KIAA1549L: variants seen among roughly 807,000 people sequenced by gnomAD.
The protein encoded by KIAA1549L is UPF0606 protein KIAA1549L.
A neutral mutation model predicts 160.7 loss-of-function variants in KIAA1549L; 88 were observed. That is an observed-to-expected ratio of 0.55 (90% CI 0.46 to 0.65). The LOEUF is 0.65. KIAA1549L is among the 30% of genes least tolerant of loss of function. The pLI, the probability that KIAA1549L is intolerant of heterozygous loss-of-function variation, is 0.00. For missense variants in KIAA1549L, 2,258 were observed against 2,437.5 expected (o/e 0.93, Z 1.55); for synonymous variants, 950 against 976.7 (o/e 0.97, Z 0.51).
At chr11:33,533,928 T>C (rs1242159123) in intron 1 of KIAA1549L, among the ~76,000 whole-genome samples, 1 of 152,198 alleles carries the variant, frequency 6.6e-6, no homozygotes, top group Non-Finnish European at 1.5e-5. Context: ...AGACGACTAA[T>C]TCCCCCTTGT....
intron 1 of KIAA1549L, among the ~76,000 whole-genome samples, chr11:33,478,305 C>T (rs111489116): frequency 6.7e-4 from 102 of 152,340 alleles, no homozygotes; most frequent in African/African-American, 2.4e-3. Flanking sequence ...GACAAGCATG[C>T]CTGGCTTTGC....
intron 1 of KIAA1549L, among the ~76,000 whole-genome samples, chr11:33,465,147 C>T (rs146072126): frequency 1.5e-4 from 23 of 151,058 alleles, no homozygotes; most frequent in African/African-American, 5.4e-4. Context: ...CCTCCGCCTC[C>T]CAGGCTCAAG....
chr11:33,414,534 A>G (rs1365075792), intron 1 of KIAA1549L, among the ~76,000 whole-genome samples: 1 of 152,204 alleles, frequency 6.6e-6, no homozygotes, highest in East Asian at 1.9e-4. Flanking sequence ...GAGGTACTGG[A>G]TCAAACGGAG....
chr11:33,395,876 A>G (rs773515368), intron 1 of KIAA1549L, among the ~76,000 whole-genome samples: 4 of 152,130 alleles, frequency 2.6e-5, no homozygotes, highest in Non-Finnish European at 5.9e-5. Context: ...CGTACTCAGC[A>G]CAGAGGGCAG....
intron 15 of KIAA1549L, among the ~76,000 whole-genome samples, chr11:33,611,006 C>G (rs1484293900): frequency 1.3e-5 from 2 of 152,320 alleles, no homozygotes; most frequent in East Asian, 3.9e-4. Context: ...CCTGACACCA[C>G]CATGACAGGA....
At chr11:33,642,232 C>T (rs1590430705) in intron 16 of KIAA1549L, among the ~76,000 whole-genome samples, 1 of 152,170 alleles carries the variant, frequency 6.6e-6, no homozygotes, top group East Asian at 1.9e-4. Flanking sequence ...CCTGCAACTT[C>T]TTATTGTCAT....
intron 1 of KIAA1549L, among the ~76,000 whole-genome samples, chr11:33,413,491 A>G (rs999888562): frequency 6.6e-6 from 1 of 151,486 alleles, no homozygotes; most frequent in African/African-American, 2.4e-5. Flanking sequence ...TGAGTGGCCT[A>G]TGAAGCATGG....
intron 16 of KIAA1549L, among the ~76,000 whole-genome samples, chr11:33,640,960 T>C (rs1423940129): frequency 2.6e-5 from 4 of 152,226 alleles, no homozygotes; most frequent in African/African-American, 7.2e-5. Context: ...CCAAGCCAAC[T>C]GTCAGCCAAC....
At chr11:33,537,296 C>T (rs1228049903) in intron 1 of KIAA1549L, among the ~76,000 whole-genome samples, 1 of 152,140 alleles carries the variant, frequency 6.6e-6, no homozygotes, top group Non-Finnish European at 1.5e-5. Context: ...TCATCTGTAA[C>T]ATCATTTTTC....
intron 1 of KIAA1549L, among the ~76,000 whole-genome samples, chr11:33,514,120 T>C (rs1482569817): frequency 6.6e-6 from 1 of 152,220 alleles, no homozygotes; most frequent in East Asian, 1.9e-4. Context: ...TTCCTTCCTG[T>C]TCCAGATATC....
intron 16 of KIAA1549L, among the ~76,000 whole-genome samples, chr11:33,620,734 C>T (rs780647049): frequency 5.9e-5 from 9 of 152,038 alleles, no homozygotes; most frequent in East Asian, 1.9e-4. Flanking sequence ...TCTATCCTTA[C>T]GTAATATAAT....
At chr11:33,588,009 C>A (rs2133279564) in intron 11 of KIAA1549L, among the ~76,000 whole-genome samples, 1 of 152,304 alleles carries the variant, frequency 6.6e-6, no homozygotes, top group South Asian at 2.1e-4. Flanking sequence ...TCACATAGTC[C>A]TAGGTTCAAA....
chr11:33,585,613 C>G (rs1291168039), intron 11 of KIAA1549L, among the ~76,000 whole-genome samples: 1 of 152,136 alleles, frequency 6.6e-6, no homozygotes, highest in Non-Finnish European at 1.5e-5. Context: ...TGGTAATAAC[C>G]AGAATCTAAC....
chr11:33,633,487 G>C (rs1238558298), intron 16 of KIAA1549L, among the ~76,000 whole-genome samples: 1 of 152,084 alleles, frequency 6.6e-6, no homozygotes, highest in African/African-American at 2.4e-5. Context: ...AGAGGTGAAA[G>C]GGCAGACTTG....
At position 33,480,192 on chromosome 11, in the gene KIAA1549L, C is replaced by T. The variant is rs531559795; in HGVS notation, c.239-61610C>T. ...TTCATTTCCACAATCAATTTTAGAACATTTTCCTCTTCCCCAAAAGAAACC... is the reference window on the plus strand; with the variant it reads ...TTCATTTCCACAATCAATTTTAGAATATTTTCCTCTTCCCCAAAAGAAACC... On this transcript the variant is annotated intron_variant, in intron 1 of 20. Transcript: ENST00000658780. Among the ~76,000 whole-genome samples, 5 of 152,268 alleles carry T rather than the reference C, an allele frequency of 3.3e-5. No homozygotes were observed. In the East Asian group the frequency reaches 9.6e-4, roughly 29 times the overall value.
At chr11:33,413,916 A>C (rs531214804) in intron 1 of KIAA1549L, among the ~76,000 whole-genome samples, 2 of 152,338 alleles carry the variant, frequency 1.3e-5, no homozygotes, top group South Asian at 4.1e-4. Context: ...GAAGGTGTTC[A>C]CATTCAGAAA....
intron 14 of KIAA1549L, among the ~76,000 whole-genome samples, chr11:33,609,167 T>C (rs1391012804): frequency 6.6e-6 from 1 of 152,248 alleles, no homozygotes; most frequent in Non-Finnish European, 1.5e-5. Flanking sequence ...ATACAAGGCT[T>C]CAAAATTACA....
At chr11:33,646,315 A>G (rs1452215106) in intron 17 of KIAA1549L, among the ~76,000 whole-genome samples, 1 of 152,228 alleles carries the variant, frequency 6.6e-6, no homozygotes, top group Non-Finnish European at 1.5e-5. Context: ...ATGGCTGACC[A>G]TATTCTTCAC....
intron 1 of KIAA1549L, among the ~76,000 whole-genome samples, chr11:33,477,507 G>GCGCGCA (rs1554981523): frequency 1.3e-4 from 17 of 131,740 alleles, no homozygotes; most frequent in African/African-American, 5.1e-4. Context: ...GCAGGTGCAC[G>GCGCGCA]CACACACACA....
Sources: allele counts gnomAD v4.1 joint callset (sites outside exome capture counted in the v4.1 genomes callset), GRCh38; gene constraint gnomAD v4.1.1; transcripts MANE v1.5; gene names NCBI Gene and HGNC (gene_info 2026-07-23, HGNC 2026-07-21).